The following NHSL1 variants were observed in gnomAD, a reference collection of about 807,000 sequenced individuals.
The protein encoded by NHSL1 is NHS like 1, also known as NHS-like protein 1.
Under a neutral mutation model 95.0 loss-of-function variants are expected in NHSL1, and 48 were observed. The ratio of observed to expected loss-of-function variants is 0.51; its 90% confidence interval spans 0.40 to 0.64. The LOEUF (loss-of-function observed/expected upper bound fraction) is 0.64, where lower values mean the gene tolerates loss of function less well. NHSL1 is among the 30% of genes least tolerant of loss of function. The pLI, the probability that NHSL1 is intolerant of heterozygous loss-of-function variation, is 0.00. For synonymous variants in NHSL1, 783 were observed against 833.9 expected (o/e 0.94, Z 1.05); for missense variants, 1,971 against 2,077.7 (o/e 0.95, Z 1.00).
chr6:138,646,170 C>T (rs569408718), intron 1 of NHSL1, among the ~76,000 whole-genome samples: 1 of 152,154 alleles, frequency 6.6e-6, no homozygotes, highest in Non-Finnish European at 1.5e-5. Context: ...ATTCCAGAAA[C>T]ATCTTAACAT....
chr6:138,675,943 TG>T (rs1785443357), intron 1 of NHSL1, among the ~76,000 whole-genome samples: 3 of 152,326 alleles, frequency 2.0e-5, no homozygotes, highest in Admixed American at 2.0e-4. Flanking sequence ...TTTGGAAATA[TG>T]GTTTTTAGGA....
At chr6:138,576,646 C>A (rs987410358), upstream of NHSL1, among the ~76,000 whole-genome samples, 4 of 152,152 alleles carry the variant, frequency 2.6e-5, no homozygotes, top group Admixed American at 2.6e-4. Context: ...TGAGGGCTCA[C>A]GGAATAAAAG....
At chr6:138,610,715 A>G (rs926903152) in intron 1 of NHSL1, among the ~76,000 whole-genome samples, 1 of 152,194 alleles carries the variant, frequency 6.6e-6, no homozygotes, top group East Asian at 1.9e-4. Context: ...AATTGTCCAC[A>G]CTTACTCATC....
upstream of NHSL1, among the ~76,000 whole-genome samples, chr6:138,574,921 C>T (rs534894284): frequency 7.2e-5 from 11 of 151,922 alleles, no homozygotes; most frequent in South Asian, 8.3e-4. Flanking sequence ...TTTTTGGAGA[C>T]GGAGTTTCCC....
At chr6:138,484,022 C>T (rs1779578786) in intron 2 of NHSL1, among the ~76,000 whole-genome samples, 2 of 152,270 alleles carry the variant, frequency 1.3e-5, no homozygotes, top group East Asian at 3.9e-4. Flanking sequence ...ATCCACAACT[C>T]ACATATTTGA....
intron 1 of NHSL1, among the ~76,000 whole-genome samples, chr6:138,581,609 T>C (rs1183985867): frequency 2.7e-5 from 4 of 149,408 alleles, no homozygotes; most frequent in Non-Finnish European, 4.4e-5. Context: ...GGAGAATCGC[T>C]TGAACACAGG....
rs530981323 is a variant in NHSL1, at chr6:138,545,180, T to C, written c.16+443A>G. ...CTAGAAGTATGTTCTATAGTCAAAT[T>C]AATTTCACTCCTAAGTTCACAGAGT... On this transcript the variant is annotated intron_variant, in intron 1 of 4. Coordinates refer to the NHSL1 transcript ENST00000342260. Among the ~76,000 whole-genome samples, 17 of 152,062 alleles carry C rather than the reference T, an allele frequency of 1.1e-4. 1 individual carries two copies. The South Asian group carries it at 3.5e-3, about 32-fold the overall frequency.
At chr6:138,652,616 A>C (rs1007938907) in intron 1 of NHSL1, among the ~76,000 whole-genome samples, 1 of 152,208 alleles carries the variant, frequency 6.6e-6, no homozygotes, top group Non-Finnish European at 1.5e-5. Flanking sequence ...AGTTGAAGTA[A>C]AACAAGCAAA....
chr6:138,436,422 C>T (rs1326531089), intron 5 of NHSL1, among the ~76,000 whole-genome samples: 1 of 152,184 alleles, frequency 6.6e-6, no homozygotes, highest in African/African-American at 2.4e-5. Context: ...CTAATCAAGG[C>T]CCTAACTCTC....
Position 138,430,616 on chromosome 6 carries a change from T to G in NHSL1, c.3729A>C (p.Ala1243=). The G allele has an allele frequency of 6.4e-7, 1 of 1,550,786 alleles. No homozygotes were observed. The highest frequency in any genetic ancestry group is 2.4e-5 in the East Asian group (1 of 40,860). Residue 1243 remains alanine, a synonymous_variant, in exon 6 of 8, where the codon GCA becomes GCC. Coordinates refer to ENST00000343505, the MANE Select transcript of NHSL1 (RefSeq NM_001144060.2). The surrounding 1 kb of genome is among the most constrained non-coding windows in gnomAD (Gnocchi z 4.7). The part of the protein sequence containing the change: ...GEEGSVHSRE[A]KESSAAQAGS... The stretch of plus-strand genomic sequence containing the variant: ...CAGCTTGGGCTGCAGAACTCTCTTT[T>G]GCCTCCCTGCTGTGCACAGAGCCCT...
intron 1 of NHSL1, among the ~76,000 whole-genome samples, chr6:138,604,591 G>A (rs1289033274): frequency 6.6e-6 from 1 of 152,162 alleles, no homozygotes; most frequent in African/African-American, 2.4e-5. Context: ...ATGAATGAAT[G>A]AATGATGAGT....
intron 1 of NHSL1, among the ~76,000 whole-genome samples, chr6:138,611,984 C>G (rs1169593407): frequency 6.6e-6 from 1 of 151,202 alleles, no homozygotes; most frequent in African/African-American, 2.4e-5. Context: ...GTGATGGCCA[C>G]CTGTAATCCC....
intron 1 of NHSL1, among the ~76,000 whole-genome samples, chr6:138,643,120 A>G (rs1020115742): frequency 6.6e-6 from 1 of 152,234 alleles, no homozygotes; most frequent in African/African-American, 2.4e-5. Flanking sequence ...TTTTAGCAGC[A>G]GCTACCATTT....
chr6:138,529,105 C>T (rs1157864690), intron 1 of NHSL1, among the ~76,000 whole-genome samples: 1 of 152,128 alleles, frequency 6.6e-6, no homozygotes, highest in East Asian at 1.9e-4. Flanking sequence ...GCATAAGATT[C>T]CCTTGATTGA....
At chr6:138,523,646 A>C (rs1478569309) in intron 1 of NHSL1, among the ~76,000 whole-genome samples, 4 of 150,186 alleles carry the variant, frequency 2.7e-5, no homozygotes, top group Non-Finnish European at 5.9e-5. Context: ...AAAAAAAAAA[A>C]AAAAAACAGA....
At chr6:138,541,707 C>T (rs147101294) in intron 1 of NHSL1, among the ~76,000 whole-genome samples, 450 of 152,060 alleles carry the variant, frequency 3.0e-3, no homozygotes, top group Non-Finnish European at 2.1e-3. Context: ...CCCTTCTCAG[C>T]GGGATAAAAG....
At chr6:138,435,324 T>G (rs1177654857) in intron 5 of NHSL1, 8 of 153,818 alleles carry the variant, frequency 5.2e-5, no homozygotes. Context: ...CTTTCAAAAT[T>G]GTACTAGTTT....
At chr6:138,458,003 A>G (rs1217405157) in intron 3 of NHSL1, among the ~76,000 whole-genome samples, 1 of 139,632 alleles carries the variant, frequency 7.2e-6, no homozygotes, top group Non-Finnish European at 1.5e-5. Flanking sequence ...GTGAAACTCC[A>G]ACTGAAAAAA....
chr6:138,549,077 A>T (rs762613944), upstream of NHSL1, among the ~76,000 whole-genome samples: 76 of 152,176 alleles, frequency 5.0e-4, 1 homozygote, highest in Non-Finnish European at 9.9e-4. Context: ...ATCCACTCAC[A>T]GTGTCCTAAT....
Sources: allele counts gnomAD v4.1 joint callset (sites outside exome capture counted in the v4.1 genomes callset), GRCh38; gene constraint gnomAD v4.1.1; non-coding constraint Gnocchi (gnomAD v3.1); transcripts MANE v1.5; gene names NCBI Gene and HGNC (gene_info 2026-07-23, HGNC 2026-07-21).